The following IL2RA variants were observed in gnomAD, a reference collection of about 807,000 sequenced individuals.
IL2RA encodes the protein interleukin 2 receptor subunit alpha.
In IL2RA, 24 loss-of-function variants were observed where a neutral mutation model predicts 37.8. The ratio of observed to expected loss-of-function variants is 0.63; its 90% CI spans 0.46 to 0.89. The LOEUF (loss-of-function observed/expected upper bound fraction) is 0.89, where lower values mean the gene tolerates loss of function less well. Among genes scored for constraint, IL2RA ranks in the 40% least tolerant of loss-of-function variants. The pLI, the probability that IL2RA is intolerant of heterozygous loss-of-function variation, is 0.00. For synonymous variants in IL2RA, 125 were observed against 114.6 expected (o/e 1.09, Z -0.58); for missense variants, 319 against 348.6 (o/e 0.92, Z 0.68).
At chr10:6,041,459 C>T (rs1839771283) in intron 1 of IL2RA, among the ~76,000 whole-genome samples, 1 of 151,890 alleles carries the variant, frequency 6.6e-6, no homozygotes, top group Non-Finnish European at 1.5e-5. Flanking sequence ...ATATAATACA[C>T]AAACCAGTAG....
chr10:6,013,666 G>C (rs1839229206), intron 7 of IL2RA, among the ~76,000 whole-genome samples: 1 of 152,172 alleles, frequency 6.6e-6, no homozygotes, highest in East Asian at 1.9e-4. Flanking sequence ...ATGCGCGGTA[G>C]CCACCGTCAA....
chr10:6,023,896 T>C (rs1839432047), intron 3 of IL2RA, among the ~76,000 whole-genome samples: 1 of 152,244 alleles, frequency 6.6e-6, no homozygotes, highest in Admixed American at 6.5e-5. Context: ...CAGGGATCGT[T>C]GTCACACTCT....
rs1226864593 is a variant in IL2RA at position 6,020,952 on chromosome 10, T to TGTGTGC, written c.583+525_583+526insGCACAC. On this transcript the variant is annotated intron_variant, in intron 4 of 7. Coordinates refer to ENST00000379959, the MANE Select transcript of IL2RA (RefSeq NM_000417.3). The surrounding 1 kb of genome is among the most constrained non-coding windows in gnomAD (Gnocchi z 5.6). ...GAGTATGTGTGTGTGTGTGTGTGTGTGCGCGCATGTGCACTGAGTAAGTCC... is the reference window on the plus strand; with the variant it reads ...GAGTATGTGTGTGTGTGTGTGTGTGTGTGTGCGCGCGCATGTGCACTGAGTAAGTCC... 5.6e-5 allele frequency among the ~76,000 whole-genome samples: 8 copies of TGTGTGC among 143,542 alleles called. No individual in the cohort carries two copies. The highest frequency in any genetic ancestry group is 2.7e-4 in the Admixed American group (4 of 14,768). The allele number at this position is 143,542 out of a possible 152,430, so 94.2% of individuals were successfully genotyped here. A position where few individuals can be genotyped will look rare whatever the true frequency, so the allele number is the denominator to read the frequency against.
Position 6,022,739 on chromosome 10 carries a change from G to A in IL2RA, c.368-1046C>T, listed in dbSNP as rs1353020823. 1.3e-5 allele frequency among the ~76,000 whole-genome samples: 2 copies of A among 152,208 alleles called. No homozygotes were observed. Among genetic ancestry groups the A allele is most frequent in the Non-Finnish European group, 2.9e-5 (2 of 68,036 alleles). On this transcript the variant is annotated intron_variant, in intron 3 of 7. Transcript: ENST00000379959. The surrounding 1 kb of genome is among the most constrained non-coding windows in gnomAD (Gnocchi z 4.7). The stretch of plus-strand genomic sequence containing the variant: ...TAACTGTCTGAACATGTTTGAATTG[G>A]GTTTGCTTCTTTCCAATGAAAACAC...
At chr10:6,037,314 A>G (rs1839703462) in intron 1 of IL2RA, among the ~76,000 whole-genome samples, 1 of 152,132 alleles carries the variant, frequency 6.6e-6, no homozygotes, top group Non-Finnish European at 1.5e-5. Context: ...AGCCCATGTG[A>G]GCAACATGAA....
chr10:6,040,973 G>T (rs1486381968), intron 1 of IL2RA, among the ~76,000 whole-genome samples: 1 of 152,190 alleles, frequency 6.6e-6, no homozygotes, highest in African/African-American at 2.4e-5. Context: ...AATGGGAAAT[G>T]ATATTTTTTA....
In IL2RA at chr10:6,022,314, C is replaced by T; in HGVS notation, c.368-621G>A. On this transcript the variant is annotated intron_variant, in intron 3 of 7. Coordinates refer to ENST00000379959, the MANE Select transcript of IL2RA (RefSeq NM_000417.3). The surrounding 1 kb of genome is among the most constrained non-coding windows in gnomAD (Gnocchi z 4.7). ...ATCAAGCCACACCTGAAGGTTGACACACATGCGCCCTTTCAAGACGTCTCA... is the reference window on the plus strand; with the variant it reads ...ATCAAGCCACACCTGAAGGTTGACATACATGCGCCCTTTCAAGACGTCTCA... 6.6e-6 allele frequency among the ~76,000 whole-genome samples: 1 copy of T among 152,188 alleles called. No homozygotes were observed. The highest frequency in any genetic ancestry group is 1.5e-5 in the Non-Finnish European group (1 of 68,032).
Position 6,025,898 on chromosome 10 carries a change from A to G in IL2RA, c.192T>C (p.Tyr64=), listed in dbSNP as rs778122850. ...GFRRIKSGSL[Y]MLCTGNSSHS... is the part of the protein sequence containing the mutation. ...GGCTAGAGTTTCCTGTACAGAGCAT[A>G]TAGAGTGACCCGCTTTTTATTCTGC... is the stretch of plus-strand genomic sequence containing the variant. The change falls in exon 2 of 8, where the codon TAT becomes TAC. Residue 64 remains tyrosine, a synonymous_variant. Transcript: ENST00000379959. This position sits in a 1 kb window ranked among gnomAD's most constrained non-coding sequence, Gnocchi z 4.4. 1.2e-6 allele frequency: 2 copies of G among 1,614,240 alleles called. No individual in the cohort carries two copies. Among genetic ancestry groups the G allele is most frequent in the East Asian group, 2.2e-5 (1 of 44,884 alleles).
At chr10:6,030,685 C>T (rs548540917) in intron 1 of IL2RA, among the ~76,000 whole-genome samples, 1 of 152,164 alleles carries the variant, frequency 6.6e-6, no homozygotes, top group East Asian at 1.9e-4. Flanking sequence ...CATAAATCGA[C>T]ATGAAGTAAT....
chr10:6,061,350 C>T (rs1840119496), intron 1 of IL2RA, among the ~76,000 whole-genome samples: 1 of 152,030 alleles, frequency 6.6e-6, no homozygotes, highest in South Asian at 2.1e-4. Flanking sequence ...CGCGCCACTG[C>T]ACTCCAGTCT....
At chr10:6,041,192 A>G (rs1293027918) in intron 1 of IL2RA, among the ~76,000 whole-genome samples, 1 of 141,062 alleles carries the variant, frequency 7.1e-6, no homozygotes, top group Non-Finnish European at 1.5e-5. Context: ...ATCTTGGCTC[A>G]CTGCAAGCTC....
intron 2 of IL2RA, among the ~76,000 whole-genome samples, chr10:6,024,973 CT>C (rs1839456274): frequency 6.6e-6 from 1 of 152,210 alleles, no homozygotes; most frequent in African/African-American, 2.4e-5. Context: ...TGGCTCACAC[CT>C]ATAATTCCAG....
Position 6,014,729 on chromosome 10 carries a change from C to A in IL2RA, c.795-1833G>T, listed in dbSNP as rs1839248659. Among the ~76,000 whole-genome samples the A allele has an allele frequency of 1.3e-5, 2 of 152,184 alleles. No individual in the cohort carries two copies. The highest frequency in any genetic ancestry group is 2.1e-4 in the South Asian group (1 of 4,822). On this transcript the variant is annotated intron_variant, in intron 7 of 7. Transcript: ENST00000379959. The surrounding 1 kb of genome is among the most constrained non-coding windows in gnomAD (Gnocchi z 4.4). ...ATGACACCTTAGGAGTCAGCTAACC[C>A]CTTAGAGAAACTGGTAGACTGCCGG...
At chr10:6,027,593 G>A (rs546413004) in intron 1 of IL2RA, among the ~76,000 whole-genome samples, 15 of 152,282 alleles carry the variant, frequency 9.9e-5, no homozygotes, top group South Asian at 4.1e-4. Context: ...GCTCAGCTTC[G>A]TGCTGTAATA....
At chr10:6,016,919 T>C (rs1326318774) in intron 7 of IL2RA, 1 of 152,228 alleles carries the variant, frequency 6.6e-6, no homozygotes, top group Non-Finnish European at 1.5e-5. Context: ...CTGAACAACC[T>C]ACATAAGCTA....
At chr10:6,019,287 C>T in intron 6 of IL2RA, 141 bp downstream of exon 6, 1 of 773,968 alleles carries the variant, frequency 1.3e-6, no homozygotes, top group Admixed American at 1.7e-5. Flanking sequence ...TACCAATCAA[C>T]TAGCCAACCT....
Position 6,046,431 on chromosome 10 carries a change from C to T in IL2RA, c.64+15657G>A, listed in dbSNP as rs577059483. 2.6e-5 allele frequency among the ~76,000 whole-genome samples: 4 copies of T among 152,272 alleles called. No homozygotes were observed. The highest frequency in any genetic ancestry group is 4.1e-4 in the South Asian group (2 of 4,826). On this transcript the variant is annotated intron_variant, in intron 1 of 7. Transcript: ENST00000379959. The surrounding 1 kb of genome is among the most constrained non-coding windows in gnomAD (Gnocchi z 4.8). ...TGTTCACAGATGCTACCCCAGACAT[C>T]GGGTAAGACAATGACATTTCAGGCA...
rs1282746910 is a variant in IL2RA, at chr10:6,029,124, TTTATTTTA to T, written c.65-3107_65-3100del. On this transcript the variant is annotated intron_variant, in intron 1 of 7. Transcript: ENST00000379959. The surrounding 1 kb of genome is among the most constrained non-coding windows in gnomAD (Gnocchi z 4.6). ...ACTATGACCTGCAGATTTGCTGCCA[TTTATTTTA>T]TTTATTTATTTATTTATTTATTTAT... is the stretch of plus-strand genomic sequence containing the variant. Among the ~76,000 whole-genome samples, 13 of 144,372 alleles carry T rather than the reference TTTATTTTA, an allele frequency of 9.0e-5. No individual in the cohort carries two copies. Among genetic ancestry groups the T allele is most frequent in the South Asian group, 2.2e-4 (1 of 4,546 alleles). The allele number at this position is 144,372 out of a possible 152,430, so 94.7% of individuals were successfully genotyped here.
In IL2RA at chr10:6,046,552, C is replaced by G. The variant is rs1025962234; in HGVS notation, c.64+15536G>C. Among the ~76,000 whole-genome samples, 2 of 152,190 alleles carry G rather than the reference C, an allele frequency of 1.3e-5. No individual in the cohort carries two copies. The highest frequency in any genetic ancestry group is 4.8e-5 in the African/African-American group (2 of 41,448). ...CCATGCCTGTGCTCCAGGGACTGTT[C>G]TCAGACACATAAATGCAACCTCAAG... On this transcript the variant is annotated intron_variant, in intron 1 of 7. Coordinates refer to ENST00000379959, the MANE Select transcript of IL2RA (RefSeq NM_000417.3). The surrounding 1 kb of genome is among the most constrained non-coding windows in gnomAD (Gnocchi z 4.8).
Sources: allele counts gnomAD v4.1 joint callset (sites outside exome capture counted in the v4.1 genomes callset), GRCh38; gene constraint gnomAD v4.1.1; non-coding constraint Gnocchi (gnomAD v3.1); transcripts MANE v1.5; gene names NCBI Gene and HGNC (gene_info 2026-07-23, HGNC 2026-07-21).